The following TIAM1 variants were observed in gnomAD, a reference collection of about 807,000 sequenced individuals.
TIAM1 encodes rho guanine nucleotide exchange factor TIAM1.
In TIAM1, 65 loss-of-function variants were observed where a neutral mutation model predicts 163.5. That is an observed-to-expected ratio of 0.40 (90% CI 0.33 to 0.49). TIAM1 has a LOEUF of 0.49. TIAM1 is among the 20% of genes least tolerant of loss of function. The pLI is 0.77. For synonymous variants in TIAM1, 833 were observed against 810.1 expected, an observed-to-expected ratio of 1.03 and a Z score of -0.48; for missense variants, 1,789 against 2,044.7, an observed-to-expected ratio of 0.87 and a Z score of 2.41.
In TIAM1 at chr21:31,395,468, G is replaced by A. The variant is rs2077049624; in HGVS notation, c.-368-56046C>T. On this transcript the variant is annotated intron_variant, in intron 2 of 28. Transcript: ENST00000286827. This position sits in a 1 kb window ranked among gnomAD's most constrained non-coding sequence, Gnocchi z 7.5. ...CAGCAGGGAAAATTGGACAAGAGGG[G>A]CCCTCGGAGACCGAGGTCATCTAAA... Among the ~76,000 whole-genome samples, 1 of 152,132 alleles carries A rather than the reference G, an allele frequency of 6.6e-6. No individual in the cohort carries two copies. The highest frequency in any genetic ancestry group is 2.1e-4 in the South Asian group (1 of 4,816).
At chr21:31,228,219 TTAAAAAAAAAAAA>T (rs2088119163) in intron 6 of TIAM1, among the ~76,000 whole-genome samples, 11 of 17,624 alleles carry the variant, frequency 6.2e-4, no homozygotes, top group African/African-American at 2.2e-3. Context: ...CCTCCTTTTT[TTAAAAAAAAAAAA>T]AAAAAAAAAA....
At chr21:31,205,725 G>A (rs2086416286) in intron 11 of TIAM1, among the ~76,000 whole-genome samples, 2 of 152,174 alleles carry the variant, frequency 1.3e-5, no homozygotes, top group Admixed American at 6.5e-5. Context: ...CATCACTTTG[G>A]GAGGCCAAGG....
At chr21:31,460,992 T>A (rs2045304146) in intron 2 of TIAM1, among the ~76,000 whole-genome samples, 1 of 152,084 alleles carries the variant, frequency 6.6e-6, no homozygotes, top group African/African-American at 2.4e-5. Flanking sequence ...ATAACTTAGA[T>A]AAAACAAGAT....
chr21:31,365,147 G>T (rs1042627667), intron 2 of TIAM1, among the ~76,000 whole-genome samples: 1 of 152,058 alleles, frequency 6.6e-6, no homozygotes, highest in East Asian at 1.9e-4. Flanking sequence ...AGAATTCAAC[G>T]ACCCCAGATC....
At chr21:31,434,733 T>C (rs1312674272) in intron 2 of TIAM1, among the ~76,000 whole-genome samples, 1 of 152,154 alleles carries the variant, frequency 6.6e-6, no homozygotes, top group Non-Finnish European at 1.5e-5. Flanking sequence ...TAGCTCAGAG[T>C]GTGTGGACAG....
rs764892757 is a variant in TIAM1, at chr21:31,179,902, A to ATTT, written c.2887+2516_2887+2518dup. ...CGTACACGTACATATACATACACAG[A>ATTT]TTTTTTTTTTTTTTTTTTTTTGAGA... On this transcript the variant is annotated intron_variant, in intron 15 of 27. Coordinates refer to ENST00000541036, the MANE Select transcript of TIAM1 (RefSeq NM_001353694.2). 1.7e-3 allele frequency among the ~76,000 whole-genome samples: 226 copies of ATTT among 131,250 alleles called. 4 individuals carry two copies. The highest frequency in any genetic ancestry group is 6.2e-3 in the African/African-American group (208 of 33,316). 86.1% of individuals were successfully genotyped at this position (131,250 alleles called of 152,430 possible). A position where few individuals can be genotyped will look rare whatever the true frequency, so the allele number is the denominator to read the frequency against.
At chr21:31,317,463 A>G (rs2075166366) in intron 2 of TIAM1, among the ~76,000 whole-genome samples, 1 of 150,244 alleles carries the variant, frequency 6.7e-6, no homozygotes, top group Admixed American at 6.6e-5. Context: ...CAAAAAAACA[A>G]AAAACAAAAA....
Position 31,146,892 on chromosome 21 carries a change from T to C in TIAM1, c.3475+3A>G, listed in dbSNP as rs1287804699. 6.2e-7 allele frequency: 1 copy of C among 1,613,332 alleles called. No homozygotes were observed. The highest frequency in any genetic ancestry group is 8.5e-7 in the Non-Finnish European group (1 of 1,179,380). ...CCCACCTCCACATCCTCAGAGGCCTTACCTTTCACCAGGACCTTGGGAACT... is the reference window on the plus strand; with the variant it reads ...CCCACCTCCACATCCTCAGAGGCCTCACCTTTCACCAGGACCTTGGGAACT... On this transcript the variant is annotated splice_donor_region_variant and intron_variant, in intron 20 of 27. Coordinates refer to ENST00000541036, the MANE Select transcript of TIAM1 (RefSeq NM_001353694.2).
chr21:31,551,330 C>G (rs1172469226), intron 1 of TIAM1, among the ~76,000 whole-genome samples: 4 of 151,760 alleles, frequency 2.6e-5, no homozygotes, highest in African/African-American at 4.8e-5. Context: ...ACTGCTTGAA[C>G]CTGGGAGGTG....
At chr21:31,314,264 C>T (rs1569205976) in intron 2 of TIAM1, among the ~76,000 whole-genome samples, 1 of 152,042 alleles carries the variant, frequency 6.6e-6, no homozygotes, top group Non-Finnish European at 1.5e-5. Context: ...TTAAGTTTTA[C>T]TATCACAGAA....
chr21:31,136,218 C>T (rs903538208), intron 22 of TIAM1, among the ~76,000 whole-genome samples, 177 bp from the exon 23 acceptor site: 4 of 152,128 alleles, frequency 2.6e-5, no homozygotes, highest in Admixed American at 1.3e-4. Flanking sequence ...TTTAGCCATT[C>T]CACAATGTAA....
intron 2 of TIAM1, among the ~76,000 whole-genome samples, chr21:31,438,492 T>C (rs951606166): frequency 6.6e-6 from 1 of 152,124 alleles, no homozygotes; most frequent in Admixed American, 6.5e-5. Context: ...GCACCCAGCA[T>C]ATTTGTGATC....
chr21:31,450,103 C>T (rs1208232601), intron 2 of TIAM1, among the ~76,000 whole-genome samples: 1 of 152,130 alleles, frequency 6.6e-6, no homozygotes, highest in Non-Finnish European at 1.5e-5. Flanking sequence ...CTCCTGGGCC[C>T]CGAAAGCATT....
Position 31,382,806 on chromosome 21 carries a change from C to T in TIAM1, c.-368-43384G>A, listed in dbSNP as rs915094259. Among the ~76,000 whole-genome samples the T allele has an allele frequency of 4.1e-4, 62 of 152,288 alleles. 1 individual carries two copies. The highest frequency in any genetic ancestry group is 1.4e-3 in the African/African-American group (59 of 41,566). ...AGCATGTGATTCTAGTGTGAAACAACGACCCATGTGTCATTATTGGTTCAA... is the reference window on the plus strand; with the variant it reads ...AGCATGTGATTCTAGTGTGAAACAATGACCCATGTGTCATTATTGGTTCAA... On this transcript the variant is annotated intron_variant, in intron 2 of 28. Transcript: ENST00000286827.
Position 31,120,234 on chromosome 21 carries a change from G to T in TIAM1, c.*134C>A. 1 of 891,420 alleles carries T rather than the reference G, an allele frequency of 1.1e-6. No homozygotes were observed. The highest frequency in any genetic ancestry group is 1.7e-6 in the Non-Finnish European group (1 of 599,508). 55.2% of individuals were successfully genotyped at this position (891,420 alleles called of 1,614,324 possible). On this transcript the variant is annotated 3_prime_UTR_variant, in exon 28 of 28. Coordinates refer to ENST00000541036, the MANE Select transcript of TIAM1 (RefSeq NM_001353694.2). The surrounding 1 kb of genome is among the most constrained non-coding windows in gnomAD (Gnocchi z 4.2). ...AAAGTTGGGTGGCTACATGGCTTCA[G>T]AACCAAGTCAGCTGCCAAAACCGTG...
chr21:31,223,650 A>G, intron 7 of TIAM1, 59 bp from the exon 8 acceptor site: 1 of 1,527,970 alleles, frequency 6.5e-7, no homozygotes, highest in Non-Finnish European at 8.9e-7. Context: ...AAATGCTAAT[A>G]TCTTTATCCT....
At chr21:31,387,851 G>T (rs1456022849) in intron 2 of TIAM1, among the ~76,000 whole-genome samples, 1 of 152,062 alleles carries the variant, frequency 6.6e-6, no homozygotes, top group African/African-American at 2.4e-5. Context: ...CAGGTGCATG[G>T]AGTGAAGTCG....
At chr21:31,539,270 C>CTT (rs59981509) in intron 1 of TIAM1, among the ~76,000 whole-genome samples, 7,499 of 144,324 alleles carry the variant, frequency 0.052, 917 homozygotes, top group African/African-American at 0.18. Flanking sequence ...ATGGGTTACT[C>CTT]TTTTTTTTTT....
intron 1 of TIAM1, among the ~76,000 whole-genome samples, chr21:31,499,499 C>T (rs552001611): frequency 1.4e-3 from 207 of 151,840 alleles, no homozygotes; most frequent in African/African-American, 4.9e-3. Context: ...AACGGTCACG[C>T]TGCTGCTCTC....
Sources: gnomAD v4.1 joint callset for allele counts (sites outside exome capture counted in the v4.1 genomes callset) on GRCh38, gnomAD v4.1.1 for gene constraint, Gnocchi (gnomAD v3.1) non-coding constraint, MANE v1.5 for transcripts, NCBI Gene and HGNC (gene_info 2026-07-23, HGNC 2026-07-21) for gene names.